The following AP3D1 variants were observed in gnomAD, a reference collection of about 807,000 sequenced individuals.
AP3D1 encodes the protein AP-3 complex subunit delta-1.
In AP3D1, 51 loss-of-function variants were observed where a neutral mutation model predicts 147.6. The observed-to-expected ratio is 0.35, with a 90% CI of 0.28 to 0.44. The LOEUF (loss-of-function observed/expected upper bound fraction) is 0.44. Ranked by LOEUF, AP3D1 falls within the 20% of genes least tolerant of loss-of-function variation. The pLI is 1.00. For synonymous variants in AP3D1, 760 were observed against 663.0 expected (o/e 1.15, Z -2.25); for missense variants, 1,421 against 1,624.2 (o/e 0.87, Z 2.15).
intron 1 of AP3D1, among the ~76,000 whole-genome samples, chr19:2,159,221 CTTT>C (rs1226347011): frequency 9.3e-5 from 13 of 139,554 alleles, no homozygotes; most frequent in Non-Finnish European, 4.7e-5. Context: ...ATCTCTCTCT[CTTT>C]TTTTTTTTTT....
chr19:2,153,674 C>CAA (rs1168914817), upstream of AP3D1, among the ~76,000 whole-genome samples: 54 of 76,646 alleles, frequency 7.0e-4, no homozygotes, highest in Admixed American at 1.9e-3. Context: ...GATTCCGTCT[C>CAA]AAAAAAAAAA....
intron 1 of AP3D1, among the ~76,000 whole-genome samples, chr19:2,158,623 G>A (rs1339692595): frequency 7.6e-6 from 1 of 130,932 alleles, no homozygotes; most frequent in South Asian, 2.3e-4. Flanking sequence ...TTTTTTTTTT[G>A]AGATGGAGAT....
intron 25 of AP3D1, 116 bp downstream of exon 25, chr19:2,111,563 C>T (rs1264990320): frequency 3.9e-5 from 53 of 1,375,820 alleles, no homozygotes; most frequent in Non-Finnish European, 4.9e-5. Flanking sequence ...CCGCCAGGCT[C>T]GGCTTCTTCT....
intron 1 of AP3D1, chr19:2,164,247 G>T: frequency 8.0e-7 from 1 of 1,247,764 alleles, no homozygotes; most frequent in Non-Finnish European, 1.0e-6. Flanking sequence ...CCGTCTACCC[G>T]TGGCCGCTGC....
chr19:2,135,534 T>A (rs933182869), intron 4 of AP3D1, among the ~76,000 whole-genome samples: 1 of 151,454 alleles, frequency 6.6e-6, no homozygotes, highest in African/African-American at 2.5e-5. Context: ...AGACTCAGTC[T>A]CAAAACAAAA....
rs1276594032 is a variant in AP3D1, at chr19:2,141,008, C to T, written c.97-2294G>A. On this transcript the variant is annotated intron_variant, in intron 1 of 31. Transcript: ENST00000643116. ...TCCTGACCTCAGGTGATCTGCTCGC[C>T]TCAGCCTCCCAAAGTGCCAGGATAA... Among the ~76,000 whole-genome samples the T allele has an allele frequency of 2.0e-5, 3 of 152,150 alleles. No homozygotes were observed. The East Asian group carries it at 5.8e-4, about 29-fold the overall frequency.
chr19:2,117,474 C>G (rs1172303872), intron 15 of AP3D1, 107 bp from the exon 16 acceptor site: 2 of 1,236,640 alleles, frequency 1.6e-6, no homozygotes, highest in Non-Finnish European at 1.1e-6. Flanking sequence ...TGTGGGCCCC[C>G]TGGTACAGCC....
chr19:2,164,389 C>T, exon 1 of AP3D1: 10 of 577,812 alleles, frequency 1.7e-5, no homozygotes, highest in Non-Finnish European at 2.5e-5. Context: ...CCCTGGACTC[C>T]ACTGTCGCTG....
chr19:2,111,948 A>G, intron 24 of AP3D1, 120 bp from the exon 25 acceptor site: 1 of 1,496,920 alleles, frequency 6.7e-7, no homozygotes. Context: ...CCTGGGTGGG[A>G]TGGCAGGACC....
Position 2,115,299 on chromosome 19 carries a change from G to C in AP3D1, c.2269C>G (p.His757Asp). 1 of 1,612,950 alleles carries C rather than the reference G, an allele frequency of 6.2e-7. No individual in the cohort carries two copies. ...KEKEKKGKRR[H>D]SSLPTESDED... ...TCGCTCTCCGTGGGCAGCGAGCTGTGGCGGCGCTTGCCCTTCTTCTCCTTC... is the reference window on the plus strand; with the variant it reads ...TCGCTCTCCGTGGGCAGCGAGCTGTCGCGGCGCTTGCCCTTCTTCTCCTTC... Residue 757 changes from histidine (H) to aspartate (D), a missense_variant, in exon 20 of 32, where the codon CAC becomes GAC. Transcript: ENST00000643116.
At position 2,124,888 on chromosome 19, in the gene AP3D1, A is replaced by C. The variant is rs370228862; in HGVS notation, c.857-1009T>G. 2.0e-5 allele frequency among the ~76,000 whole-genome samples: 3 copies of C among 152,270 alleles called. No individual in the cohort carries two copies. The East Asian group carries it at 5.8e-4, about 29-fold the overall frequency. ...TGGGAGGCAGAGGTTGCGGTGAGCCAAGATTGTGCCATTGAACTCCAGCCT... is the reference window on the plus strand; with the variant it reads ...TGGGAGGCAGAGGTTGCGGTGAGCCCAGATTGTGCCATTGAACTCCAGCCT... On this transcript the variant is annotated intron_variant, in intron 9 of 31. Transcript: ENST00000643116.
At chr19:2,164,203 C>A in intron 1 of AP3D1, 1 of 1,272,836 alleles carries the variant, frequency 7.9e-7, no homozygotes, top group Non-Finnish European at 9.9e-7. Flanking sequence ...GAAGCTGGAG[C>A]TGAGACTGAA....
At chr19:2,124,981 G>A (rs560778827) in intron 9 of AP3D1, among the ~76,000 whole-genome samples, 10 of 152,284 alleles carry the variant, frequency 6.6e-5, no homozygotes, top group African/African-American at 2.2e-4. Context: ...ATGGACTCCA[G>A]GGACTTGTGG....
chr19:2,115,460 G>A (rs766282177), intron 19 of AP3D1, 42 bp from the exon 20 acceptor site: 24 of 1,607,742 alleles, frequency 1.5e-5, no homozygotes, highest in Non-Finnish European at 2.0e-5. Flanking sequence ...CTGCACCCCA[G>A]GGGCTCACGG....
chr19:2,115,536 G>A lies in AP3D1; in HGVS notation c.2149+2C>T, dbSNP rs1160437487. 1 of 1,613,150 alleles carries A rather than the reference G, an allele frequency of 6.2e-7. No individual in the cohort carries two copies. The highest frequency in any genetic ancestry group is 1.7e-5 in the Admixed American group (1 of 60,012). The stretch of plus-strand genomic sequence containing the variant: ...CGGCGCCGACACACCGGAGACACTT[G>A]CCTGGAACCTTCAAGGGGACGGAGA... On this transcript the variant is annotated splice_donor_variant, in intron 19 of 31. Transcript: ENST00000643116. LOFTEE classifies it low-confidence loss of function (GC_TO_GT_DONOR).
rs201718099 is a variant in AP3D1 at position 2,114,843 on chromosome 19, C to T, written c.2350-22G>A. ...CATTCTGACAGGAAGAGAGGAACCC[C>T]ATCACTGGAACCCGCCCTTGTGGCC... On this transcript the variant is annotated intron_variant, in intron 20 of 31. Coordinates refer to ENST00000643116, the MANE Select transcript of AP3D1 (RefSeq NM_001261826.3). The T allele has an allele frequency of 3.3e-5, 54 of 1,613,588 alleles. 1 individual carries two copies. In the Middle Eastern group the frequency reaches 1.8e-3, roughly 54 times the overall value.
intron 1 of AP3D1, among the ~76,000 whole-genome samples, chr19:2,163,491 C>T (rs1468634464): frequency 6.4e-5 from 9 of 141,130 alleles, no homozygotes; most frequent in Non-Finnish European, 7.8e-5. Context: ...CGCGCCTGGC[C>T]TTTTTTTTTT....
chr19:2,124,937 G>A (rs986184716), intron 9 of AP3D1, among the ~76,000 whole-genome samples: 2 of 151,974 alleles, frequency 1.3e-5, no homozygotes, highest in South Asian at 2.1e-4. Context: ...GAAACTCCGC[G>A]ATCCCCCCCA....
chr19:2,131,445 C>A (rs1205335190), intron 5 of AP3D1, among the ~76,000 whole-genome samples: 1 of 148,152 alleles, frequency 6.7e-6, no homozygotes, highest in Non-Finnish European at 1.5e-5. Flanking sequence ...GGACAGGCAG[C>A]CACGAGGGGA....
Sources: gnomAD v4.1 joint callset for allele counts (sites outside exome capture counted in the v4.1 genomes callset) on GRCh38, gnomAD v4.1.1 for gene constraint, MANE v1.5 for transcripts, NCBI Gene and HGNC (gene_info 2026-07-23, HGNC 2026-07-21) for gene names.